The following PRKN variants were observed in gnomAD, a reference collection of about 807,000 sequenced individuals.
PRKN encodes the protein parkin RBR E3 ubiquitin protein ligase.
PRKN carries 56 observed loss-of-function variants against 59.5 expected under a neutral mutation model. The ratio of observed to expected loss-of-function variants is 0.94; its 90% CI spans 0.76 to 1.18. The LOEUF (loss-of-function observed/expected upper bound fraction) is 1.18. Ranked by LOEUF, PRKN falls within the 50% of genes most tolerant of loss-of-function variation. The pLI is 0.00. For synonymous variants in PRKN, 250 were observed against 222.1 expected (o/e 1.13, Z -1.12); for missense variants, 657 against 596.4 (o/e 1.10, Z -1.06).
At chr6:162,618,995 G>A (rs1417804780) in intron 1 of PRKN, among the ~76,000 whole-genome samples, 1 of 152,074 alleles carries the variant, frequency 6.6e-6, no homozygotes, top group African/African-American at 2.4e-5. Context: ...CTAGATTTTA[G>A]TATACCAATA....
At chr6:161,774,398 AC>A (rs1789830599) in intron 7 of PRKN, among the ~76,000 whole-genome samples, 1 of 107,728 alleles carries the variant, frequency 9.3e-6, no homozygotes, top group Non-Finnish European at 2.3e-5. Context: ...ACACACACAC[AC>A]ACACACACAC....
At chr6:162,254,191 G>A (rs183326190) in intron 3 of PRKN, among the ~76,000 whole-genome samples, 9 of 152,152 alleles carry the variant, frequency 5.9e-5, no homozygotes, top group East Asian at 1.9e-4. Flanking sequence ...TGGGCATGGC[G>A]GCTCACATCT....
chr6:162,688,681 C>T (rs1009992798), intron 1 of PRKN, among the ~76,000 whole-genome samples: 1 of 152,192 alleles, frequency 6.6e-6, no homozygotes, highest in Non-Finnish European at 1.5e-5. Flanking sequence ...TCCTAATCCT[C>T]CTGTCAAGAA....
At chr6:162,531,786 T>C (rs942401100) in intron 1 of PRKN, among the ~76,000 whole-genome samples, 4 of 151,936 alleles carry the variant, frequency 2.6e-5, no homozygotes, top group South Asian at 2.1e-4. Context: ...AAGAAGGAGG[T>C]CTGCTTTGGG....
At chr6:161,766,680 C>T (rs9346879) in intron 7 of PRKN, among the ~76,000 whole-genome samples, 77,613 of 151,972 alleles carry the variant, frequency 0.51, 20,039 homozygotes, top group East Asian at 0.58. Flanking sequence ...GCTAGTGTGT[C>T]TTGCAGAGCC....
rs1785523172 is a variant in PRKN at position 161,373,472 on chromosome 6, G to A, written c.1168-13267C>T. 6.6e-6 allele frequency among the ~76,000 whole-genome samples: 1 copy of A among 152,150 alleles called. No individual in the cohort carries two copies. The highest frequency in any genetic ancestry group is 1.5e-5 in the Non-Finnish European group (1 of 68,040). ...GAAAGAAGGTAAATGCAACCCTGGA[G>A]AACAGCAGTGCTGAGCCTAAATGGG... On this transcript the variant is annotated intron_variant, in intron 10 of 11. Transcript: ENST00000366898. This position sits in a 1 kb window ranked among gnomAD's most constrained non-coding sequence, Gnocchi z 4.8.
intron 4 of PRKN, among the ~76,000 whole-genome samples, chr6:162,135,133 TG>T (rs981407418): frequency 2.0e-5 from 3 of 152,030 alleles, no homozygotes; most frequent in African/African-American, 7.3e-5. Flanking sequence ...ATATTAGTTT[TG>T]TTGTTGTTGT....
chr6:162,001,659 T>G (rs1782061351), intron 5 of PRKN, among the ~76,000 whole-genome samples: 1 of 152,044 alleles, frequency 6.6e-6, no homozygotes, highest in Non-Finnish European at 1.5e-5. Context: ...CTTTTGTTCT[T>G]GCATTAGTTA....
intron 2 of PRKN, among the ~76,000 whole-genome samples, chr6:162,277,783 T>C (rs1428481415): frequency 3.9e-5 from 6 of 152,136 alleles, no homozygotes; most frequent in Admixed American, 3.9e-4. Context: ...CACCAAATAC[T>C]GGTGAGGACG....
At chr6:161,508,198 T>C (rs1166145801) in intron 9 of PRKN, among the ~76,000 whole-genome samples, 23 of 152,130 alleles carry the variant, frequency 1.5e-4, no homozygotes, top group Admixed American at 1.5e-3. Context: ...AGCAAAAAAA[T>C]GTGTGTGTCC....
rs1028553803 is a variant in PRKN at position 162,069,024 on chromosome 6, T to C, written c.535-14850A>G. On this transcript the variant is annotated intron_variant, in intron 4 of 11. Transcript: ENST00000366898. The stretch of plus-strand genomic sequence containing the variant: ...TTTAGGTACGTGAATATTTGAACAC[T>C]TCCTTGGAGTCCTCCTTTTAAAATT... Among the ~76,000 whole-genome samples, 177 of 152,290 alleles carry C rather than the reference T, an allele frequency of 1.2e-3. 2 individuals carry two copies. Among genetic ancestry groups the C allele is most frequent in the Admixed American group, 0.012 (176 of 15,294 alleles).
chr6:162,354,101 C>T (rs1334967320), intron 2 of PRKN, among the ~76,000 whole-genome samples: 2 of 152,118 alleles, frequency 1.3e-5, no homozygotes, highest in Admixed American at 6.6e-5. Context: ...AATTCTGCAG[C>T]ATATGGAAAT....
chr6:162,002,390 G>A (rs983823359), intron 5 of PRKN, among the ~76,000 whole-genome samples: 1 of 151,954 alleles, frequency 6.6e-6, no homozygotes, highest in East Asian at 1.9e-4. Context: ...TTTACTAGCT[G>A]TGCCTTTCAG....
intron 6 of PRKN, among the ~76,000 whole-genome samples, chr6:161,837,845 T>C (rs527662837): frequency 7.0e-4 from 106 of 152,302 alleles, no homozygotes; most frequent in African/African-American, 2.5e-3. Context: ...ATAATAGTTT[T>C]GAGAGCTTTT....
intron 2 of PRKN, among the ~76,000 whole-genome samples, chr6:162,318,275 A>C (rs1337059148): frequency 6.6e-6 from 1 of 152,144 alleles, no homozygotes. Flanking sequence ...ATAATATCAG[A>C]ATATGAAAAA....
intron 4 of PRKN, among the ~76,000 whole-genome samples, chr6:162,179,808 C>A (rs976458518): frequency 2.0e-5 from 3 of 152,260 alleles, no homozygotes; most frequent in South Asian, 2.1e-4. Context: ...TCCTCCTCCA[C>A]TCAGGTTTTG....
chr6:161,694,734 C>T (rs1001564908), intron 7 of PRKN, among the ~76,000 whole-genome samples: 1 of 152,220 alleles, frequency 6.6e-6, no homozygotes, highest in African/African-American at 2.4e-5. Flanking sequence ...TCACCTGGAC[C>T]GTATGGGTGA....
intron 4 of PRKN, among the ~76,000 whole-genome samples, chr6:162,185,969 G>T (rs955368608): frequency 2.0e-4 from 31 of 151,818 alleles, no homozygotes; most frequent in African/African-American, 7.5e-4. Context: ...AAAATCTTTA[G>T]ATTTTTTTTT....
rs185343185 is a variant in PRKN at position 162,598,462 on chromosome 6, T to C, written c.7+129200A>G. Among the ~76,000 whole-genome samples the C allele has an allele frequency of 7.2e-5, 11 of 152,262 alleles. No homozygotes were observed. In the East Asian group the frequency reaches 1.9e-3, roughly 27 times the overall value. ...CATGGAGCTTACATTTTAGAGGAGC[T>C]TTTGGAAGATGAAAAAGATAATAAT... On this transcript the variant is annotated intron_variant, in intron 1 of 11. Coordinates refer to ENST00000366898, the MANE Select transcript of PRKN (RefSeq NM_004562.3).
Sources: gnomAD v4.1 joint callset for allele counts (sites outside exome capture counted in the v4.1 genomes callset) on GRCh38, gnomAD v4.1.1 for gene constraint, Gnocchi (gnomAD v3.1) non-coding constraint, MANE v1.5 for transcripts, NCBI Gene and HGNC (gene_info 2026-07-23, HGNC 2026-07-21) for gene names.